XPO4: variants seen among roughly 807,000 people sequenced by gnomAD.
XPO4 encodes the protein exportin 4, also known as exportin-4.
Under a neutral mutation model 143.0 loss-of-function variants are expected in XPO4, and 39 were observed. The observed-to-expected ratio is 0.27, with a 90% CI of 0.21 to 0.36. The LOEUF (loss-of-function observed/expected upper bound fraction) is 0.36. XPO4 is among the 10% of genes least tolerant of loss of function. The pLI, the probability that XPO4 is intolerant of heterozygous loss-of-function variation, is 1.00. For synonymous variants in XPO4, 439 were observed against 474.0 expected (o/e 0.93, Z 0.96); for missense variants, 907 against 1,348.0 (o/e 0.67, Z 5.12).
intron 4 of XPO4, among the ~76,000 whole-genome samples, chr13:20,846,068 C>G (rs2060025876): frequency 6.6e-6 from 1 of 152,164 alleles, no homozygotes; most frequent in Non-Finnish European, 1.5e-5. Flanking sequence ...AACCTGCAAG[C>G]TGAAAGAACC....
At chr13:20,801,568 T>C (rs1485749375) in intron 13 of XPO4, among the ~76,000 whole-genome samples, 1 of 152,252 alleles carries the variant, frequency 6.6e-6, no homozygotes, top group Admixed American at 6.5e-5. Flanking sequence ...AGTACACATA[T>C]TGTCCTTTCC....
At chr13:20,828,832 G>A (rs1451136610) in intron 6 of XPO4, among the ~76,000 whole-genome samples, 1 of 152,154 alleles carries the variant, frequency 6.6e-6, no homozygotes, top group Non-Finnish European at 1.5e-5. Context: ...TATAGAGTGA[G>A]TTCATTTTCT....
chr13:20,831,798 A>G (rs1046701544), intron 6 of XPO4, among the ~76,000 whole-genome samples: 1 of 141,866 alleles, frequency 7.0e-6, no homozygotes, highest in East Asian at 2.2e-4. Context: ...GACATTTAGT[A>G]CAGTGATTTT....
At chr13:20,855,048 T>G (rs2060128667) in intron 4 of XPO4, among the ~76,000 whole-genome samples, 1 of 152,104 alleles carries the variant, frequency 6.6e-6, no homozygotes, top group Non-Finnish European at 1.5e-5. Flanking sequence ...CATATTAACT[T>G]ATAATATTTT....
At position 20,801,024 on chromosome 13, in the gene XPO4, T is replaced by C; in HGVS notation, c.1818-34A>G. ...ATAAAACAGAAGTCATTTATTCTTT[T>C]ATTTATTTAGTTGCTGTCTAATCAT... On this transcript the variant is annotated intron_variant, in intron 13 of 22. Transcript: ENST00000255305. 2.5e-6 allele frequency: 4 copies of C among 1,595,644 alleles called. No individual in the cohort carries two copies. The East Asian group carries it at 8.9e-5, about 36-fold the overall frequency.
intron 1 of XPO4, chr13:20,902,179 GTGGCT>G (rs1405447482): frequency 1.0e-6 from 1 of 985,226 alleles, no homozygotes; most frequent in Admixed American, 6.1e-5. Context: ...TACTCCAGAG[GTGGCT>G]GCATGTCAGG....
At chr13:20,861,699 C>A (rs757462732) in intron 3 of XPO4, among the ~76,000 whole-genome samples, 38 of 151,370 alleles carry the variant, frequency 2.5e-4, no homozygotes, top group South Asian at 2.1e-4. Context: ...TCACCTCATT[C>A]CTCAAAACTC....
chr13:20,798,235 T>C (rs1053422629), intron 16 of XPO4, among the ~76,000 whole-genome samples: 11 of 151,914 alleles, frequency 7.2e-5, no homozygotes, highest in Admixed American at 5.2e-4. Context: ...ATAACTGATA[T>C]AGAAAGGGGA....
intron 1 of XPO4, among the ~76,000 whole-genome samples, chr13:20,882,277 T>C (rs2060418806): frequency 6.6e-6 from 1 of 152,064 alleles, no homozygotes; most frequent in Non-Finnish European, 1.5e-5. Context: ...AAAAGAGGCT[T>C]ATTTGGCTCA....
At chr13:20,880,438 AAAAAG>A (rs2060397485) in intron 1 of XPO4, among the ~76,000 whole-genome samples, 1 of 152,140 alleles carries the variant, frequency 6.6e-6, no homozygotes, top group African/African-American at 2.4e-5. Context: ...GTCTCAAAAA[AAAAAG>A]AAAAGAAAAA....
intron 9 of XPO4, among the ~76,000 whole-genome samples, chr13:20,812,630 T>C (rs1405596830): frequency 6.6e-6 from 1 of 152,046 alleles, no homozygotes; most frequent in South Asian, 2.1e-4. Flanking sequence ...CAGGACTAGG[T>C]CCTGGCACAG....
At chr13:20,861,518 A>G (rs2060198316) in intron 3 of XPO4, among the ~76,000 whole-genome samples, 1 of 151,558 alleles carries the variant, frequency 6.6e-6, no homozygotes, top group South Asian at 2.1e-4. Context: ...CTGGTCTTGA[A>G]CCCTTGACCT....
intron 1 of XPO4, among the ~76,000 whole-genome samples, chr13:20,900,616 C>T (rs995047543): frequency 2.9e-5 from 4 of 139,852 alleles, no homozygotes; most frequent in Admixed American, 2.7e-4. Flanking sequence ...AAAGTCATTT[C>T]CTTTTTTTTT....
At chr13:20,882,836 G>A (rs9509414) in intron 1 of XPO4, among the ~76,000 whole-genome samples, 53,150 of 150,898 alleles carry the variant, frequency 0.35, 11,198 homozygotes, top group Non-Finnish European at 0.48. Flanking sequence ...GCAGTGAGCC[G>A]AGATGGAGCC....
At chr13:20,894,095 G>A (rs1285508458) in intron 1 of XPO4, among the ~76,000 whole-genome samples, 1 of 152,152 alleles carries the variant, frequency 6.6e-6, no homozygotes, top group Non-Finnish European at 1.5e-5. Flanking sequence ...GCCCGCCTCA[G>A]CCTCCCAAAG....
rs764952330 is a variant in XPO4, at chr13:20,862,795, C to T, written c.239G>A (p.Arg80Gln). The change falls in exon 3 of 23, where the codon CGA becomes CAA. Residue 80 changes from arginine (R) to glutamine (Q), a missense_variant. Coordinates refer to ENST00000255305, the MANE Select transcript of XPO4 (RefSeq NM_022459.5). ...AATAIMEAVV[R>Q]EWILLEKGSI... is the part of the protein sequence containing the mutation. Reference sequence around the variant, plus strand: ...ACCTTTTTCCAAGAGAATCCACTCTCGGACAACTGCTTCCATTATGGCTGT... The same window carrying T: ...ACCTTTTTCCAAGAGAATCCACTCTTGGACAACTGCTTCCATTATGGCTGT... The T allele has an allele frequency of 7.4e-6, 12 of 1,614,020 alleles. No homozygotes were observed. In the African/African-American group the frequency reaches 1.5e-4, roughly 20 times the overall value.
chr13:20,800,420 C>A, intron 14 of XPO4, 95 bp from the exon 15 acceptor site: 1 of 1,192,122 alleles, frequency 8.4e-7, no homozygotes, highest in African/African-American at 1.5e-5. Context: ...AGTATCTAAT[C>A]TGAAGTAGTG....
At chr13:20,868,457 T>A (rs898391432) in intron 2 of XPO4, 139 bp downstream of exon 2, 1 of 1,289,970 alleles carries the variant, frequency 7.8e-7, no homozygotes, top group African/African-American at 1.5e-5. Context: ...GCTACTCCAG[T>A]AGAATGATTA....
intron 11 of XPO4, 48 bp downstream of exon 11, chr13:20,809,035 G>A: frequency 6.3e-7 from 1 of 1,590,574 alleles, no homozygotes; most frequent in South Asian, 1.1e-5. Context: ...CCAGGGAATT[G>A]TGAATAGAGA....
Sources: gnomAD v4.1 joint callset for allele counts (sites outside exome capture counted in the v4.1 genomes callset) on GRCh38, gnomAD v4.1.1 for gene constraint, MANE v1.5 for transcripts, NCBI Gene and HGNC (gene_info 2026-07-23, HGNC 2026-07-21) for gene names.